Variants in ANGPT2 observed in about 807,000 individuals in gnomAD.
The protein encoded by ANGPT2 is angiopoietin-2.
In ANGPT2, 28 loss-of-function variants were observed where a neutral mutation model predicts 62.9. The observed-to-expected ratio is 0.44, with a 90% CI of 0.33 to 0.61. The LOEUF (loss-of-function observed/expected upper bound fraction) is 0.61, where lower values mean the gene tolerates loss of function less well. Among genes scored for constraint, ANGPT2 ranks in the 20% least tolerant of loss-of-function variants. ANGPT2 has a pLI of 0.03. For synonymous variants in ANGPT2, 284 were observed against 207.8 expected (o/e 1.37, Z -3.15); for missense variants, 727 against 594.9 (o/e 1.22, Z -2.31).
intron 1 of ANGPT2, among the ~76,000 whole-genome samples, chr8:6,543,745 C>T (rs898663924): frequency 3.3e-5 from 5 of 152,156 alleles, no homozygotes; most frequent in Admixed American, 1.3e-4. Flanking sequence ...TCTGTCCCTT[C>T]GACCTCTGGT....
intron 1 of ANGPT2, among the ~76,000 whole-genome samples, chr8:6,548,071 A>T (rs956626161): frequency 1.3e-5 from 2 of 152,090 alleles, no homozygotes; most frequent in African/African-American, 2.4e-5. Context: ...TAGTGTCTTT[A>T]CTGAATCCCC....
chr8:6,523,465 C>G (rs936992106), intron 3 of ANGPT2, among the ~76,000 whole-genome samples: 1 of 152,266 alleles, frequency 6.6e-6, no homozygotes, highest in East Asian at 1.9e-4. Context: ...AAAAATAGTT[C>G]CTGTCCATTA....
chr8:6,506,605 ACCCTTT>A (rs1346649343), intron 8 of ANGPT2, among the ~76,000 whole-genome samples: 2 of 152,024 alleles, frequency 1.3e-5, no homozygotes, highest in African/African-American at 4.8e-5. Flanking sequence ...CCTCCACCTG[ACCCTTT>A]CCCTGCTGTT....
At chr8:6,504,374 A>C (rs1812846113) in intron 8 of ANGPT2, among the ~76,000 whole-genome samples, 1 of 151,726 alleles carries the variant, frequency 6.6e-6, no homozygotes, top group Admixed American at 6.6e-5. Flanking sequence ...CGTTCTGAGT[A>C]ACGGGATAAA....
At chr8:6,521,872 C>T (rs143775811) in intron 3 of ANGPT2, among the ~76,000 whole-genome samples, 13 of 152,286 alleles carry the variant, frequency 8.5e-5, no homozygotes, top group Admixed American at 5.2e-4. Context: ...ATAATAATAG[C>T]ACTTAATGCT....
At position 6,521,160 on chromosome 8, in the gene ANGPT2, C is replaced by T. The variant is rs1170374677; in HGVS notation, c.799+18G>A. On this transcript the variant is annotated intron_variant, in intron 4 of 8. Transcript: ENST00000629816. ...TAAAGGTTATTAACGCTGAAGAAAG[C>T]ATGATATGTAAACTTACAGTTTGAT... 8 of 1,599,396 alleles carry T rather than the reference C, an allele frequency of 5.0e-6. No homozygotes were observed. Among genetic ancestry groups the T allele is most frequent in the Non-Finnish European group, 6.8e-6 (8 of 1,168,320 alleles).
intron 6 of ANGPT2, 75 bp downstream of exon 6, chr8:6,514,602 T>G (rs1586271464): frequency 1.5e-6 from 2 of 1,329,658 alleles, no homozygotes; most frequent in Non-Finnish European, 1.1e-6. Context: ...GGATTGGTGG[T>G]TAAGGTTCCG....
intron 8 of ANGPT2, chr8:6,508,135 T>C (rs1158048292): frequency 6.6e-6 from 1 of 152,226 alleles, no homozygotes; most frequent in African/African-American, 2.4e-5. Flanking sequence ...TGTTGCTATA[T>C]ATTAATGGAA....
chr8:6,537,153 A>G (rs1163895836), intron 1 of ANGPT2, among the ~76,000 whole-genome samples: 3 of 152,102 alleles, frequency 2.0e-5, no homozygotes, highest in Non-Finnish European at 4.4e-5. Context: ...CCAATTTCAC[A>G]TGCATAGCAT....
At chr8:6,527,897 C>CTTTTTTTTTTT (rs1343936237) in intron 2 of ANGPT2, among the ~76,000 whole-genome samples, 77 of 105,946 alleles carry the variant, frequency 7.3e-4, no homozygotes, top group Non-Finnish European at 1.1e-3. Flanking sequence ...CCCCACGTCT[C>CTTTTTTTTTTT]TATTTTTTTT....
chr8:6,532,571 CT>C, intron 1 of ANGPT2, 84 bp from the exon 2 acceptor site: 27 of 654,910 alleles, frequency 4.1e-5, no homozygotes, highest in Non-Finnish European at 4.6e-5. Context: ...TCCTCCCTAT[CT>C]TTAAAAAAAA....
chr8:6,520,954 C>A (rs1217318703), intron 4 of ANGPT2, among the ~76,000 whole-genome samples: 1 of 152,184 alleles, frequency 6.6e-6, no homozygotes, highest in Non-Finnish European at 1.5e-5. Flanking sequence ...AAAGTAGGCT[C>A]TTTACTGCCA....
At chr8:6,545,968 G>A (rs746391267) in intron 1 of ANGPT2, among the ~76,000 whole-genome samples, 11 of 152,198 alleles carry the variant, frequency 7.2e-5, no homozygotes, top group Non-Finnish European at 1.3e-4. Context: ...GGGAAGTAGC[G>A]ATATTTGTGA....
chr8:6,510,500 T>G (rs983185766), intron 7 of ANGPT2, among the ~76,000 whole-genome samples: 2 of 152,192 alleles, frequency 1.3e-5, no homozygotes, highest in Non-Finnish European at 2.9e-5. Context: ...AAAATGTTCT[T>G]TTAGTTTTAC....
intron 1 of ANGPT2, among the ~76,000 whole-genome samples, chr8:6,562,012 C>A (rs1825615239): frequency 6.6e-6 from 1 of 152,180 alleles, no homozygotes; most frequent in African/African-American, 2.4e-5. Context: ...TGCTGAATAC[C>A]TCTGGGACGC....
At chr8:6,521,099 G>T in intron 4 of ANGPT2, 79 bp downstream of exon 4, 2 of 1,129,750 alleles carry the variant, frequency 1.8e-6, no homozygotes, top group Non-Finnish European at 1.3e-6. Flanking sequence ...TTTCTGAAAG[G>T]TGAGAATTTT....
At position 6,532,271 on chromosome 8, in the gene ANGPT2, C is replaced by A. The variant is rs565609666; in HGVS notation, c.444+61G>T. The A allele has an allele frequency of 6.3e-6, 10 of 1,595,218 alleles. No homozygotes were observed. The African/African-American group carries it at 6.7e-5, about 11-fold the overall frequency. On this transcript the variant is annotated intron_variant, in intron 2 of 8. Transcript: ENST00000629816. ...ATGCCTTCATTGAGGAAGCTCCTGACGCGACTGAGTGCTAGTCTCTAGCTG... is the reference window on the plus strand; with the variant it reads ...ATGCCTTCATTGAGGAAGCTCCTGAAGCGACTGAGTGCTAGTCTCTAGCTG...
intron 1 of ANGPT2, among the ~76,000 whole-genome samples, chr8:6,540,148 T>C (rs10102480): frequency 0.027 from 4,120 of 152,284 alleles, 140 homozygotes; most frequent in African/African-American, 0.076. Flanking sequence ...CGCTTTGCTC[T>C]TCTTTGAGTG....
At chr8:6,504,668 G>GA (rs928808798) in intron 8 of ANGPT2, among the ~76,000 whole-genome samples, 1 of 152,022 alleles carries the variant, frequency 6.6e-6, no homozygotes, top group African/African-American at 2.4e-5. Context: ...AATAAGGAGA[G>GA]AAAAAAATCG....
Sources: gnomAD v4.1 joint callset for allele counts (sites outside exome capture counted in the v4.1 genomes callset) on GRCh38, gnomAD v4.1.1 for gene constraint, MANE v1.5 for transcripts, NCBI Gene and HGNC (gene_info 2026-07-23, HGNC 2026-07-21) for gene names.